The following NAALADL2 variants were observed in gnomAD, a reference collection of about 807,000 sequenced individuals.
The protein encoded by NAALADL2 is N-acetylated alpha-linked acidic dipeptidase like 2.
In NAALADL2, 76 loss-of-function variants were observed where a neutral mutation model predicts 87.2. The observed-to-expected ratio is 0.87, with a 90% CI of 0.72 to 1.05. NAALADL2 has a LOEUF of 1.05. Ranked by LOEUF, NAALADL2 falls within the 50% of genes least tolerant of loss-of-function variation. The pLI is 0.00. For missense variants in NAALADL2, 1,089 were observed against 945.8 expected (o/e 1.15, Z -1.99); for synonymous variants, 354 against 331.0 (o/e 1.07, Z -0.75).
At chr3:174,765,172 CAG>C (rs201437757) in intron 3 of NAALADL2, among the ~76,000 whole-genome samples, 11 of 135,634 alleles carry the variant, frequency 8.1e-5, no homozygotes, top group African/African-American at 2.7e-4. Context: ...GAGAGAGAGA[CAG>C]AGAGAACAAG....
intron 11 of NAALADL2, among the ~76,000 whole-genome samples, chr3:175,716,768 C>T (rs772118858): frequency 6.6e-6 from 1 of 152,200 alleles, no homozygotes; most frequent in East Asian, 1.9e-4. Flanking sequence ...ATGATCTAAT[C>T]TAAGTTTCAA....
chr3:174,585,186 C>T (rs1418587571), intron 2 of NAALADL2, among the ~76,000 whole-genome samples: 1 of 152,042 alleles, frequency 6.6e-6, no homozygotes, highest in Non-Finnish European at 1.5e-5. Context: ...TGCAGAAACT[C>T]TCAGCGTAGG....
intron 2 of NAALADL2, among the ~76,000 whole-genome samples, chr3:174,665,749 G>A (rs1725899111): frequency 6.6e-6 from 1 of 152,134 alleles, no homozygotes; most frequent in South Asian, 2.1e-4. Flanking sequence ...TTCTCTCCCA[G>A]TCTGGAGGCT....
chr3:174,692,429 A>T (rs1337110150), intron 2 of NAALADL2, among the ~76,000 whole-genome samples: 2 of 152,196 alleles, frequency 1.3e-5, no homozygotes, highest in African/African-American at 2.4e-5. Context: ...TAGATTTTTT[A>T]AAAATAAATA....
At chr3:174,981,241 C>A (rs1047255081) in intron 1 of NAALADL2, among the ~76,000 whole-genome samples, 3 of 152,102 alleles carry the variant, frequency 2.0e-5, no homozygotes, top group African/African-American at 7.2e-5. Flanking sequence ...TATTATTCTT[C>A]AAGTAATTCA....
At chr3:175,518,902 T>C (rs1176397986) in intron 9 of NAALADL2, among the ~76,000 whole-genome samples, 2 of 152,232 alleles carry the variant, frequency 1.3e-5, no homozygotes, top group Non-Finnish European at 2.9e-5. Flanking sequence ...TTTTAATATG[T>C]ATACATAGGA....
chr3:174,779,322 G>GTT lies in NAALADL2; in HGVS notation c.-9+41577_-9+41578dup, dbSNP rs200228189. ...ATATCCTTTGTCCACTTTTGATGGG[G>GTT]TTGTTTTTTTCTTGTAAATTTGTTT... On this transcript the variant is annotated intron_variant, in intron 3 of 3. Transcript: ENST00000434257. 1.4e-3 allele frequency among the ~76,000 whole-genome samples: 212 copies of GTT among 151,230 alleles called. 2 individuals carry two copies. Among genetic ancestry groups the GTT allele is most frequent in the African/African-American group, 4.3e-3 (179 of 41,360 alleles).
chr3:175,562,289 T>A (rs796816383), intron 9 of NAALADL2, among the ~76,000 whole-genome samples: 5 of 152,226 alleles, frequency 3.3e-5, no homozygotes, highest in African/African-American at 1.2e-4. Context: ...TAAAACTGAT[T>A]GAAGGTAATT....
intron 1 of NAALADL2, among the ~76,000 whole-genome samples, chr3:174,897,431 A>T (rs1302243086): frequency 2.6e-5 from 4 of 152,082 alleles, no homozygotes; most frequent in African/African-American, 9.7e-5. Context: ...TGCTAACATC[A>T]TTGATCATTA....
At chr3:175,134,549 A>G (rs924836328) in intron 2 of NAALADL2, among the ~76,000 whole-genome samples, 2 of 152,156 alleles carry the variant, frequency 1.3e-5, no homozygotes, top group African/African-American at 4.8e-5. Context: ...AATAACCCTT[A>G]CACCTAAATA....
intron 2 of NAALADL2, among the ~76,000 whole-genome samples, chr3:175,183,182 C>T (rs891458823): frequency 6.6e-6 from 1 of 151,810 alleles, no homozygotes; most frequent in African/African-American, 2.4e-5. Context: ...TCTTCAATTT[C>T]CTTTATCAAT....
chr3:174,576,966 A>AT (rs768057494), intron 2 of NAALADL2, among the ~76,000 whole-genome samples: 38 of 151,984 alleles, frequency 2.5e-4, no homozygotes, highest in Middle Eastern at 3.4e-3. Context: ...GGAGAGACTG[A>AT]TTTTTTTTCT....
chr3:175,179,055 A>G (rs771023646), intron 2 of NAALADL2, among the ~76,000 whole-genome samples: 6 of 152,012 alleles, frequency 3.9e-5, no homozygotes, highest in Non-Finnish European at 8.8e-5. Flanking sequence ...TTTCTAACCA[A>G]GCTCACTCTC....
intron 5 of NAALADL2, among the ~76,000 whole-genome samples, chr3:175,349,869 G>C (rs569591478): frequency 9.9e-5 from 15 of 152,184 alleles, no homozygotes; most frequent in African/African-American, 3.1e-4. Context: ...ACATTAGAGA[G>C]AGCCTGGCTA....
intron 1 of NAALADL2, among the ~76,000 whole-genome samples, chr3:174,510,211 T>C (rs1373470166): frequency 6.6e-6 from 1 of 152,132 alleles, no homozygotes; most frequent in Non-Finnish European, 1.5e-5. Context: ...CTTGTAATGT[T>C]TTTGGTTTTG....
At chr3:174,538,450 A>G (rs1393331304) in intron 1 of NAALADL2, among the ~76,000 whole-genome samples, 4 of 152,178 alleles carry the variant, frequency 2.6e-5, no homozygotes, top group Non-Finnish European at 5.9e-5. Flanking sequence ...AGATACCAAC[A>G]TGACAGCTGG....
chr3:174,882,844 C>T (rs62284950), intron 1 of NAALADL2, among the ~76,000 whole-genome samples: 4 of 88,378 alleles, frequency 4.5e-5, no homozygotes, highest in African/African-American at 1.3e-4. Context: ...TGTATATGTG[C>T]ATATGTGTAT....
intron 13 of NAALADL2, among the ~76,000 whole-genome samples, chr3:175,796,959 G>GTTTTCT (rs1753571054): frequency 6.8e-6 from 1 of 146,910 alleles, no homozygotes; most frequent in South Asian, 2.1e-4. Context: ...TTTTTTTTCA[G>GTTTTCT]TTTTCTTTTG....
intron 11 of NAALADL2, among the ~76,000 whole-genome samples, chr3:175,644,882 C>A (rs1489684683): frequency 6.6e-6 from 1 of 151,910 alleles, no homozygotes; most frequent in Non-Finnish European, 1.5e-5. Context: ...GAAGTGATTG[C>A]AATAGCAAAC....
Sources: allele counts gnomAD v4.1 joint callset (sites outside exome capture counted in the v4.1 genomes callset), GRCh38; gene constraint gnomAD v4.1.1; transcripts MANE v1.5; gene names NCBI Gene and HGNC (gene_info 2026-07-23, HGNC 2026-07-21).